Variants in SQLE observed in about 807,000 individuals in gnomAD.
SQLE encodes the protein squalene epoxidase, also known as squalene monooxygenase.
In SQLE, 29 loss-of-function variants were observed where a neutral mutation model predicts 60.7. The observed-to-expected ratio is 0.48, with a 90% CI of 0.36 to 0.65. The LOEUF (loss-of-function observed/expected upper bound fraction) is 0.65, where lower values mean the gene tolerates loss of function less well. SQLE is among the 30% of genes least tolerant of loss of function. The probability of loss-of-function intolerance (pLI) is 0.00; values close to 1 mark genes in which losing one functional copy is unlikely to be tolerated. For synonymous variants in SQLE, 237 were observed against 246.8 expected, an observed-to-expected ratio of 0.96 and a Z score of 0.37; for missense variants, 605 against 684.1, an observed-to-expected ratio of 0.88 and a Z score of 1.29.
At chr8:125,008,031 C>T (rs1490236576) in intron 4 of SQLE, among the ~76,000 whole-genome samples, 1 of 152,164 alleles carries the variant, frequency 6.6e-6, no homozygotes, top group Non-Finnish European at 1.5e-5. Context: ...CAATTTAACT[C>T]AGGTAATAGT....
In SQLE at chr8:125,021,900, A is replaced by C. The variant is rs143543748; in HGVS notation, c.1680A>C (p.Val560=). Residue 560 remains valine, a synonymous_variant, in exon 11 of 11, where the codon GTA becomes GTC. Transcript: ENST00000265896. The stretch of plus-strand genomic sequence containing the variant: ...CTGTATTGTACAAAGCGTGTTCTGT[A>C]ATATTTCCTCTAATTTACTCAGAAA... The part of the protein sequence containing the change: ...SGAVLYKACS[V]IFPLIYSEMK... 7.2e-3 allele frequency: 11,589 copies of C among 1,608,968 alleles called. 230 individuals carry two copies. The highest frequency in any genetic ancestry group is 5.0e-3 in the Non-Finnish European group (5,869 of 1,177,222).
rs6994686 is a variant in SQLE at position 124,998,810 on chromosome 8, T to C, written c.-594T>C. On this transcript the variant is annotated 5_prime_UTR_variant, in exon 1 of 11. Transcript: ENST00000265896. ...TCTTTTGTTGGAGAAGGCGTCGGCGTTGGCGTTTTCCCGAGGTTGGGCTGT... is the reference window on the plus strand; with the variant it reads ...TCTTTTGTTGGAGAAGGCGTCGGCGCTGGCGTTTTCCCGAGGTTGGGCTGT... 0.021 allele frequency: 10,510 copies of C among 495,852 alleles called. 900 individuals carry two copies. The highest frequency in any genetic ancestry group is 0.19 in the African/African-American group (9,120 of 49,086). 30.7% of individuals were successfully genotyped at this position (495,852 alleles called of 1,614,324 possible).
At chr8:125,015,999 T>C (rs1290133932) in intron 7 of SQLE, among the ~76,000 whole-genome samples, 1 of 152,220 alleles carries the variant, frequency 6.6e-6, no homozygotes, top group Non-Finnish European at 1.5e-5. Flanking sequence ...TTGTTTCCTT[T>C]CTCTTGTTGC....
chr8:125,021,928 A>G lies in SQLE; in HGVS notation c.1708A>G (p.Lys570Glu). 6.2e-7 allele frequency: 1 copy of G among 1,601,228 alleles called. No individual in the cohort carries two copies. The highest frequency in any genetic ancestry group is 8.5e-7 in the Non-Finnish European group (1 of 1,172,732). The change falls in exon 11 of 11, where the codon AAG (lysine) becomes GAG (glutamate). Residue 570 changes from lysine to glutamate, a missense_variant. By Grantham distance (56) the Lys-to-Glu change is moderately conservative. Transcript: ENST00000265896. The stretch of plus-strand genomic sequence containing the variant: ...ATTTCCTCTAATTTACTCAGAAATG[A>G]AGTATATGGTTCATTAAGCTTAAAG... ...VIFPLIYSEM[K>E]YMVH is the part of the protein sequence containing the mutation.
At chr8:125,020,277 G>T (rs1419495740) in intron 9 of SQLE, among the ~76,000 whole-genome samples, 2 of 152,122 alleles carry the variant, frequency 1.3e-5, no homozygotes, top group African/African-American at 2.4e-5. Context: ...GGTTAAAAAG[G>T]TTATCAATTG....
chr8:125,005,717 G>A lies in SQLE; in HGVS notation c.725+12G>A, dbSNP rs748678849. ...ATGGCAGAGCCCAAGTAAGACCACA[G>A]TTTCAAATATATAATTACTAAAGAA... On this transcript the variant is annotated intron_variant, in intron 3 of 10. Transcript: ENST00000265896. The A allele has an allele frequency of 4.6e-6, 7 of 1,523,986 alleles. No homozygotes were observed. The highest frequency in any genetic ancestry group is 2.3e-5 in the East Asian group (1 of 42,950). 94.4% of individuals were successfully genotyped at this position (1,523,986 alleles called of 1,614,324 possible).
intron 4 of SQLE, 95 bp downstream of exon 4, chr8:125,007,582 G>A (rs1814973430): frequency 1.4e-6 from 1 of 715,096 alleles, no homozygotes; most frequent in Non-Finnish European, 2.2e-6. Flanking sequence ...CGGTTTACAT[G>A]TTGAGTATCT....
intron 3 of SQLE, among the ~76,000 whole-genome samples, chr8:125,006,080 A>C (rs1360366830): frequency 6.6e-6 from 1 of 152,234 alleles, no homozygotes; most frequent in Non-Finnish European, 1.5e-5. Context: ...CAAAACTGCA[A>C]GGAGAAATCC....
chr8:124,999,445 T>C lies in SQLE; in HGVS notation c.42T>C (p.Tyr14=), dbSNP rs771487717. 7 of 1,529,926 alleles carry C rather than the reference T, an allele frequency of 4.6e-6. No homozygotes were observed. In the African/African-American group the frequency reaches 7.0e-5, roughly 15 times the overall value. The allele number at this position is 1,529,926 out of a possible 1,614,324, so 94.8% of individuals were successfully genotyped here. A position where few individuals can be genotyped will look rare whatever the true frequency, so the allele number is the denominator to read the frequency against. Residue 14 remains tyrosine, a synonymous_variant, in exon 1 of 11, where the codon TAT becomes TAC. Coordinates refer to ENST00000265896, the MANE Select transcript of SQLE (RefSeq NM_003129.4). ...GCATTGCCACTTTCACCTATTTTTA[T>C]AAGAAGTTCGGGGACTTCATCACTT... The part of the protein sequence containing the change: ...FLGIATFTYF[Y]KKFGDFITLA...
intron 1 of SQLE, among the ~76,000 whole-genome samples, chr8:125,000,795 G>A (rs1235374727): frequency 1.3e-5 from 2 of 152,192 alleles, no homozygotes; most frequent in Non-Finnish European, 2.9e-5. Flanking sequence ...TTGCTGTATG[G>A]AGAATGGGTT....
In SQLE at chr8:125,021,795, T is replaced by C; in HGVS notation, c.1575T>C (p.Ala525=). The C allele has an allele frequency of 6.2e-7, 1 of 1,609,106 alleles. No homozygotes were observed. Among genetic ancestry groups the C allele is most frequent in the Admixed American group, 1.7e-5 (1 of 59,268 alleles). ...TAGTTTTAATTGGACACTTCTTTGC[T>C]GTTGCAATCTATGCCGTGTATTTTT... ...NPLVLIGHFF[A]VAIYAVYFCF... Residue 525 remains alanine, a synonymous_variant, in exon 11 of 11, where the codon GCT becomes GCC. Coordinates refer to ENST00000265896, the MANE Select transcript of SQLE (RefSeq NM_003129.4).
intron 8 of SQLE, 23 bp from the exon 9 acceptor site, chr8:125,018,608 T>C (rs1330495972): frequency 6.6e-7 from 1 of 1,511,192 alleles, no homozygotes; most frequent in Non-Finnish European, 9.1e-7. Flanking sequence ...TACCATATAA[T>C]AAATGAGCTA....
In SQLE at chr8:125,009,104, T is replaced by C. The variant is rs765427329; in HGVS notation, c.936+20T>C. On this transcript the variant is annotated intron_variant, in intron 5 of 10. Transcript: ENST00000265896. ...ATGAAGGTACTGTAGGAGTGTGTTATTGTAATTTCAATAAAAGAAACTTGA... is the reference window on the plus strand; with the variant it reads ...ATGAAGGTACTGTAGGAGTGTGTTACTGTAATTTCAATAAAAGAAACTTGA... 3.8e-6 allele frequency: 6 copies of C among 1,573,046 alleles called. No homozygotes were observed. Among genetic ancestry groups the C allele is most frequent in the Non-Finnish European group, 5.2e-6 (6 of 1,162,492 alleles).
chr8:125,005,322 T>A (rs1588112492), intron 2 of SQLE, among the ~76,000 whole-genome samples: 1 of 152,284 alleles, frequency 6.6e-6, no homozygotes, highest in Non-Finnish European at 1.5e-5. Flanking sequence ...GTTGTTATCT[T>A]TAAATGATAT....
At chr8:125,012,117 A>T (rs2129896670) in intron 7 of SQLE, among the ~76,000 whole-genome samples, 1 of 152,186 alleles carries the variant, frequency 6.6e-6, no homozygotes, top group Non-Finnish European at 1.5e-5. Flanking sequence ...TTGCCAAAGG[A>T]TGAGAAATGG....
intron 3 of SQLE, among the ~76,000 whole-genome samples, chr8:125,006,265 C>T (rs894454623): frequency 2.0e-5 from 3 of 152,182 alleles, no homozygotes; most frequent in Non-Finnish European, 4.4e-5. Context: ...AGCAAGTGGA[C>T]TTAATCCTTT....
chr8:125,007,973 G>T (rs1814981349), intron 4 of SQLE, among the ~76,000 whole-genome samples: 1 of 152,184 alleles, frequency 6.6e-6, no homozygotes, highest in African/African-American at 2.4e-5. Context: ...ACTAGCAGGG[G>T]AAAGAAGGCA....
intron 3 of SQLE, among the ~76,000 whole-genome samples, chr8:125,006,329 T>C (rs1465174704): frequency 6.6e-6 from 1 of 151,914 alleles, no homozygotes; most frequent in African/African-American, 2.4e-5. Flanking sequence ...TGTATGAAAA[T>C]GGAAAAATCG....
rs746695516 is a variant in SQLE at position 124,999,694 on chromosome 8, G to T, written c.291G>T (p.Arg97Ser). 4 of 1,574,076 alleles carry T rather than the reference G, an allele frequency of 2.5e-6. No individual in the cohort carries two copies. Among genetic ancestry groups the T allele is most frequent in the Non-Finnish European group, 3.4e-6 (4 of 1,160,656 alleles). Residue 97 changes from arginine to serine, a missense_variant and splice_region_variant, in exon 1 of 11, where the codon AGG becomes AGT. Physicochemically the swap from Arg to Ser is moderately radical, Grantham distance 110. Coordinates refer to ENST00000265896, the MANE Select transcript of SQLE (RefSeq NM_003129.4). ...SENKEQLEAR[R>S]RRKGTNISET... is the part of the protein sequence containing the mutation. ...ATAAGGAGCAGCTCGAGGCCAGGAGGGTAGGTTGATTTCAAAGCGGGCAGA... is the reference window on the plus strand; with the variant it reads ...ATAAGGAGCAGCTCGAGGCCAGGAGTGTAGGTTGATTTCAAAGCGGGCAGA...
Sources: gnomAD v4.1 joint callset for allele counts (sites outside exome capture counted in the v4.1 genomes callset) on GRCh38, gnomAD v4.1.1 for gene constraint, MANE v1.5 for transcripts, NCBI Gene and HGNC (gene_info 2026-07-23, HGNC 2026-07-21) for gene names.